The following NKAIN3 variants were observed in gnomAD, a reference collection of about 807,000 sequenced individuals.
NKAIN3 encodes sodium/potassium-transporting ATPase subunit beta-1-interacting protein 3.
A neutral mutation model predicts 30.2 loss-of-function variants in NKAIN3; 25 were observed. That is an observed-to-expected ratio of 0.83 (90% CI 0.60 to 1.16). NKAIN3 has a LOEUF of 1.16. Among genes scored for constraint, NKAIN3 ranks in the 50% most tolerant of loss-of-function variants. NKAIN3 has a pLI of 0.00. For synonymous variants in NKAIN3, 91 were observed against 89.6 expected, an observed-to-expected ratio of 1.02 and a Z score of -0.09; for missense variants, 225 against 254.1, an observed-to-expected ratio of 0.89 and a Z score of 0.78.
intron 1 of NKAIN3, among the ~76,000 whole-genome samples, chr8:62,350,689 T>A (rs997464865): frequency 1.1e-4 from 16 of 151,746 alleles, no homozygotes; most frequent in Non-Finnish European, 2.1e-4. Flanking sequence ...GCTTTTTAAT[T>A]TTTATTTATT....
At chr8:62,801,346 C>T (rs1266044354) in intron 4 of NKAIN3, among the ~76,000 whole-genome samples, 1 of 152,182 alleles carries the variant, frequency 6.6e-6, no homozygotes, top group East Asian at 1.9e-4. Flanking sequence ...GACCCCCAAG[C>T]AGCCTAACTG....
intron 3 of NKAIN3, among the ~76,000 whole-genome samples, chr8:62,645,129 G>A (rs1195792310): frequency 1.3e-5 from 2 of 152,034 alleles, no homozygotes; most frequent in Non-Finnish European, 1.5e-5. Flanking sequence ...AGGGGAGGTG[G>A]AGCCAAAGAG....
At chr8:62,866,846 A>G (rs563351362) in intron 4 of NKAIN3, among the ~76,000 whole-genome samples, 211 of 149,222 alleles carry the variant, frequency 1.4e-3, no homozygotes, top group Middle Eastern at 3.5e-3. Context: ...GGAGATCGAG[A>G]CCATCCTGAC....
intron 4 of NKAIN3, among the ~76,000 whole-genome samples, chr8:62,862,084 C>G (rs10504359): frequency 0.083 from 12,593 of 152,250 alleles, 583 homozygotes; most frequent in South Asian, 0.14. Flanking sequence ...TTGCTCTCCT[C>G]ACTCATTAAA....
intron 5 of NKAIN3, among the ~76,000 whole-genome samples, chr8:62,948,650 G>T (rs149689714): frequency 6.6e-6 from 1 of 152,130 alleles, no homozygotes; most frequent in African/African-American, 2.4e-5. Context: ...AAAGATGAAA[G>T]CAAAGTCCTT....
At chr8:62,541,214 G>A (rs1808828780) in intron 1 of NKAIN3, among the ~76,000 whole-genome samples, 1 of 152,160 alleles carries the variant, frequency 6.6e-6, no homozygotes, top group South Asian at 2.1e-4. Context: ...CTACTCAGTA[G>A]GCTGAGGCAG....
intron 1 of NKAIN3, among the ~76,000 whole-genome samples, chr8:62,576,568 G>A (rs914470287): frequency 6.6e-6 from 1 of 152,050 alleles, no homozygotes; most frequent in African/African-American, 2.4e-5. Flanking sequence ...CTGTTTTCTA[G>A]GTGCCATATT....
chr8:62,568,026 A>G (rs980818436), intron 1 of NKAIN3, among the ~76,000 whole-genome samples: 1 of 152,208 alleles, frequency 6.6e-6, no homozygotes, highest in African/African-American at 2.4e-5. Context: ...CTAAGATAGC[A>G]CAGCTAATAA....
intron 5 of NKAIN3, among the ~76,000 whole-genome samples, chr8:62,995,147 T>G (rs1804079104): frequency 6.6e-6 from 1 of 152,228 alleles, no homozygotes. Context: ...GCTCTACAGA[T>G]GCTTAATGCA....
In NKAIN3 at chr8:62,308,696, G is replaced by A. The variant is rs1161327461; in HGVS notation, c.54+59569G>A. Among the ~76,000 whole-genome samples, 20 of 150,442 alleles carry A rather than the reference G, an allele frequency of 1.3e-4. 1 individual carries two copies. The highest frequency in any genetic ancestry group is 1.3e-3 in the Admixed American group (20 of 15,188). ...AACTGTGGGCAACAATGGGATGCAA[G>A]AGTCATGACATTCAAAGAGCTTGAA... On this transcript the variant is annotated intron_variant, in intron 1 of 6. Transcript: ENST00000623646.
intron 3 of NKAIN3, among the ~76,000 whole-genome samples, chr8:62,729,361 C>G (rs1265820245): frequency 6.6e-6 from 1 of 152,086 alleles, no homozygotes; most frequent in Non-Finnish European, 1.5e-5. Context: ...TCCAGAACAC[C>G]AACACCACCA....
At chr8:62,675,516 G>A (rs1468829351) in intron 3 of NKAIN3, among the ~76,000 whole-genome samples, 2 of 152,174 alleles carry the variant, frequency 1.3e-5, no homozygotes, top group African/African-American at 4.8e-5. Context: ...AGCAAGAGTA[G>A]GGCAACCATA....
intron 1 of NKAIN3, among the ~76,000 whole-genome samples, chr8:62,296,656 A>G (rs1813840647): frequency 6.6e-6 from 1 of 152,266 alleles, no homozygotes; most frequent in South Asian, 2.1e-4. Flanking sequence ...TGTGAGAGAC[A>G]CTATGTTAGA....
intron 1 of NKAIN3, among the ~76,000 whole-genome samples, chr8:62,437,451 C>T (rs1805203389): frequency 6.6e-6 from 1 of 152,140 alleles, no homozygotes; most frequent in South Asian, 2.1e-4. Context: ...CACAATGCCT[C>T]CATTTTAGCT....
intron 2 of NKAIN3, 39 bp downstream of exon 2, chr8:62,579,715 T>C (rs375874756): frequency 6.6e-6 from 8 of 1,209,810 alleles, no homozygotes; most frequent in East Asian, 5.7e-5. Flanking sequence ...ATATAAACAA[T>C]TCAAAATTTC....
At chr8:62,617,787 GA>G (rs1811504202) in intron 3 of NKAIN3, among the ~76,000 whole-genome samples, 1 of 150,638 alleles carries the variant, frequency 6.6e-6, no homozygotes, top group Non-Finnish European at 1.5e-5. Flanking sequence ...TGGAAAAAAA[GA>G]AAATGGGAAA....
At chr8:62,370,153 T>C (rs1250960762) in intron 1 of NKAIN3, among the ~76,000 whole-genome samples, 1 of 152,018 alleles carries the variant, frequency 6.6e-6, no homozygotes, top group African/African-American at 2.4e-5. Flanking sequence ...AGAAATAGTA[T>C]AAAGTATCTC....
rs954821894 is a variant in NKAIN3, at chr8:62,291,231, A to G, written c.54+42104A>G. ...TTTTTCGAAGGGTTTTTGTGTCTCT[A>G]TCTCCTTCAATTCTGCTCTGATCTT... On this transcript the variant is annotated intron_variant, in intron 1 of 6. Coordinates refer to ENST00000623646, the MANE Select transcript of NKAIN3 (RefSeq NM_001304533.3). Among the ~76,000 whole-genome samples, 17 of 151,806 alleles carry G rather than the reference A, an allele frequency of 1.1e-4. No homozygotes were observed. In the South Asian group the frequency reaches 1.5e-3, roughly 13 times the overall value.
intron 1 of NKAIN3, among the ~76,000 whole-genome samples, chr8:62,259,840 G>A (rs1468502517): frequency 6.6e-6 from 1 of 152,152 alleles, no homozygotes; most frequent in African/African-American, 2.4e-5. Context: ...TCATTGAACT[G>A]GAGGAGAAAC....
Sources: gnomAD v4.1 joint callset for allele counts (sites outside exome capture counted in the v4.1 genomes callset) on GRCh38, gnomAD v4.1.1 for gene constraint, MANE v1.5 for transcripts, NCBI Gene and HGNC (gene_info 2026-07-23, HGNC 2026-07-21) for gene names.